The following ADAMTSL1 variants were observed in gnomAD, a reference collection of about 807,000 sequenced individuals.
ADAMTSL1 encodes the protein ADAMTS-like protein 1.
In ADAMTSL1, 126 loss-of-function variants were observed where a neutral mutation model predicts 201.8. The observed-to-expected ratio is 0.62, with a 90% CI of 0.54 to 0.72. ADAMTSL1 has a LOEUF of 0.72. Ranked by LOEUF, ADAMTSL1 falls within the 30% of genes least tolerant of loss-of-function variation. The pLI is 0.00. For synonymous variants in ADAMTSL1, 1,121 were observed against 903.4 expected (o/e 1.24, Z -4.32); for missense variants, 2,679 against 2,277.8 (o/e 1.18, Z -3.59).
chr9:18,572,062 G>A (rs1370088790), intron 3 of ADAMTSL1, among the ~76,000 whole-genome samples: 1 of 152,036 alleles, frequency 6.6e-6, no homozygotes, highest in Admixed American at 6.5e-5. Context: ...GGGTGTGGGG[G>A]CACATGCCTG....
chr9:18,324,344 A>G (rs963908604), intron 2 of ADAMTSL1, among the ~76,000 whole-genome samples: 6 of 152,204 alleles, frequency 3.9e-5, no homozygotes, highest in Non-Finnish European at 8.8e-5. Flanking sequence ...AAAGCTAAAA[A>G]TATCAAGCCT....
intron 1 of ADAMTSL1, among the ~76,000 whole-genome samples, chr9:18,136,713 G>A (rs1256260158): frequency 6.6e-6 from 1 of 152,058 alleles, no homozygotes. Flanking sequence ...AAGCTGTGAA[G>A]TAGGAAAATA....
rs182882582 is a variant in ADAMTSL1 at position 18,793,277 on chromosome 9, A to T, written c.3678-2120A>T. The stretch of plus-strand genomic sequence containing the variant: ...GACAGGAGGTAAGAATAAGCAATGT[A>T]GTAGGCCCAAGGCCAAAAGCTGAGC... On this transcript the variant is annotated intron_variant, in intron 19 of 28. Transcript: ENST00000380548. The T allele has an allele frequency of 2.6e-5, 4 of 152,374 alleles. No homozygotes were observed. The East Asian group carries it at 7.7e-4, about 29-fold the overall frequency. 9.4% of individuals were successfully genotyped at this position (152,374 alleles called of 1,614,324 possible). A position where few individuals can be genotyped will look rare whatever the true frequency, so the allele number is the denominator to read the frequency against.
intron 4 of ADAMTSL1, among the ~76,000 whole-genome samples, chr9:18,596,971 C>T (rs1824304203): frequency 6.6e-6 from 1 of 152,120 alleles, no homozygotes; most frequent in Non-Finnish European, 1.5e-5. Flanking sequence ...CACCTGTTTC[C>T]TTCTTCTTTC....
At chr9:18,393,869 T>A (rs1403002120) in intron 2 of ADAMTSL1, among the ~76,000 whole-genome samples, 1 of 152,188 alleles carries the variant, frequency 6.6e-6, no homozygotes, top group African/African-American at 2.4e-5. Context: ...GGGTCCTGGA[T>A]GATACCATCC....
intron 2 of ADAMTSL1, among the ~76,000 whole-genome samples, chr9:18,446,777 C>G (rs539847353): frequency 6.6e-6 from 1 of 152,150 alleles, no homozygotes; most frequent in Admixed American, 6.5e-5. Context: ...TATTCTTGAA[C>G]TTTCGGGTAA....
intron 2 of ADAMTSL1, among the ~76,000 whole-genome samples, chr9:18,278,290 C>G (rs536114909): frequency 1.2e-4 from 19 of 152,144 alleles, no homozygotes; most frequent in African/African-American, 4.3e-4. Flanking sequence ...AGCATTGTTT[C>G]GTTTTAACTT....
At chr9:18,743,179 C>G (rs1448279807) in intron 15 of ADAMTSL1, among the ~76,000 whole-genome samples, 1 of 152,254 alleles carries the variant, frequency 6.6e-6, no homozygotes, top group Admixed American at 6.5e-5. Flanking sequence ...TTAAATCAAG[C>G]TCTGTGTAGG....
At chr9:18,495,172 A>G (rs987168755) in intron 1 of ADAMTSL1, among the ~76,000 whole-genome samples, 4 of 152,286 alleles carry the variant, frequency 2.6e-5, no homozygotes, top group East Asian at 3.9e-4. Context: ...TGTTATCTCA[A>G]TCTTCCCCAC....
intron 13 of ADAMTSL1, among the ~76,000 whole-genome samples, chr9:18,697,224 G>C (rs1831614265): frequency 6.6e-6 from 1 of 152,130 alleles, no homozygotes; most frequent in African/African-American, 2.4e-5. Flanking sequence ...AAGCCAATGT[G>C]ATGTTAAAAC....
chr9:18,507,986 A>G (rs981701038), intron 2 of ADAMTSL1, among the ~76,000 whole-genome samples: 1 of 152,088 alleles, frequency 6.6e-6, no homozygotes, highest in Non-Finnish European at 1.5e-5. Flanking sequence ...AGAGTTCAAG[A>G]CAAGCCTGGC....
At position 18,504,916 on chromosome 9, in the gene ADAMTSL1, G is replaced by A. The variant is rs779454317; in HGVS notation, c.151G>A (p.Gly51Ser). ...GAGTGAATGCTCACGCACCTGCGGG[G>A]GTGGGGCCTCCTACTCTCTGAGGCG... ...PWSECSRTCG[G>S]GASYSLRRCL... The change falls in exon 2 of 29, where the codon GGT becomes AGT. Residue 51 changes from glycine (G) to serine (S), a missense_variant. Transcript: ENST00000380548. 6.2e-7 allele frequency: 1 copy of A among 1,612,706 alleles called. No individual in the cohort carries two copies. Among genetic ancestry groups the A allele is most frequent in the South Asian group, 1.1e-5 (1 of 90,998 alleles).
chr9:18,660,380 C>T (rs1247420952), intron 8 of ADAMTSL1, among the ~76,000 whole-genome samples: 1 of 152,146 alleles, frequency 6.6e-6, no homozygotes, highest in Non-Finnish European at 1.5e-5. Flanking sequence ...CTCCAAATAC[C>T]TTATAAAACT....
intron 4 of ADAMTSL1, among the ~76,000 whole-genome samples, chr9:18,588,995 C>T (rs1322654070): frequency 6.8e-6 from 1 of 147,946 alleles, no homozygotes; most frequent in African/African-American, 2.5e-5. Context: ...CTGCAACCTC[C>T]ACCCCTTAGT....
chr9:18,197,349 T>C (rs139413773), intron 2 of ADAMTSL1, among the ~76,000 whole-genome samples: 1 of 151,328 alleles, frequency 6.6e-6, no homozygotes, highest in East Asian at 2.0e-4. Context: ...TCCTCTTTTA[T>C]TTCCTTGAGC....
intron 2 of ADAMTSL1, among the ~76,000 whole-genome samples, chr9:18,224,101 T>A (rs551008004): frequency 6.6e-6 from 1 of 152,166 alleles, no homozygotes. Context: ...GCCAGAGATT[T>A]TTCCTGCTTC....
intron 2 of ADAMTSL1, among the ~76,000 whole-genome samples, chr9:18,264,715 C>T (rs1832051851): frequency 6.6e-6 from 1 of 152,174 alleles, no homozygotes; most frequent in Non-Finnish European, 1.5e-5. Context: ...GATTATAAAG[C>T]ATACCTACCA....
At chr9:18,806,426 G>A (rs907847740) in intron 20 of ADAMTSL1, among the ~76,000 whole-genome samples, 1 of 152,186 alleles carries the variant, frequency 6.6e-6, no homozygotes, top group Non-Finnish European at 1.5e-5. Flanking sequence ...TTGGCTGATA[G>A]CAAGTCACTC....
At chr9:18,124,500 T>C in intron 1 of ADAMTSL1, among the ~76,000 whole-genome samples, 1 of 152,190 alleles carries the variant, frequency 6.6e-6, no homozygotes, top group East Asian at 1.9e-4. Context: ...ATCAGACATA[T>C]GATTTGCAAA....
Sources: gnomAD v4.1 joint callset for allele counts (sites outside exome capture counted in the v4.1 genomes callset) on GRCh38, gnomAD v4.1.1 for gene constraint, MANE v1.5 for transcripts, NCBI Gene and HGNC (gene_info 2026-07-23, HGNC 2026-07-21) for gene names.